ACTN3: variants seen among roughly 807,000 people sequenced by gnomAD.
ACTN3 encodes alpha-actinin-3.
ACTN3 carries 91 observed loss-of-function variants against 119.6 expected under a neutral mutation model. That is an observed-to-expected ratio of 0.76 (90% CI 0.64 to 0.91). ACTN3 has a LOEUF of 0.91. Ranked by LOEUF, ACTN3 falls within the 40% of genes least tolerant of loss-of-function variation. The pLI is 0.00. For synonymous variants in ACTN3, 456 were observed against 478.8 expected, an observed-to-expected ratio of 0.95 and a Z score of 0.62; for missense variants, 1,221 against 1,215.1, an observed-to-expected ratio of 1.00 and a Z score of -0.07.
intron 11 of ACTN3, among the ~76,000 whole-genome samples, chr11:66,558,677 A>G (rs1193918531): frequency 1.3e-5 from 2 of 152,060 alleles, no homozygotes; most frequent in African/African-American, 4.8e-5. Context: ...CCTGTTTTCT[A>G]TAAACTCAGC....
chr11:66,551,701 T>C, intron 3 of ACTN3, 54 bp downstream of exon 3: 1 of 1,604,398 alleles, frequency 6.2e-7, no homozygotes, highest in African/African-American at 1.3e-5. Context: ...TCTCTTGACA[T>C]CAGCAAATCA....
upstream of ACTN3, chr11:66,546,695 A>G: frequency 6.5e-7 from 1 of 1,533,882 alleles, no homozygotes; most frequent in East Asian, 2.4e-5. Flanking sequence ...CCAGCAGCGG[A>G]GCAGGAATGC....
rs753579084 is a variant in ACTN3 at position 66,562,064 on chromosome 11, C to T, written c.2218C>T (p.Arg740Cys). ...GWEQLLTSIA[R>C]TINEVENQVL... The stretch of plus-strand genomic sequence containing the variant: ...GGAGCAGCTGCTCACCTCCATTGCC[C>T]GCACCATCAATGAAGTGGAGAACCA... Residue 740 changes from arginine (R) to cysteine (C), a missense_variant, in exon 18 of 21, where the codon CGC becomes TGC. By Grantham distance (180) the Arg-to-Cys change is radical. Transcript: ENST00000513398. 16 of 1,613,330 alleles carry T rather than the reference C, an allele frequency of 9.9e-6. 1 individual carries two copies. The highest frequency in any genetic ancestry group is 8.3e-5 in the Admixed American group (5 of 59,928).
rs1052296074 is a variant in ACTN3, at chr11:66,553,535, A to G, written c.383-510A>G. ...GCACCACTGTACTCCAGCCGGGGCA[A>G]AGAGGGAGACTCCATGGGAAAAAAT... On this transcript the variant is annotated intron_variant, in intron 3 of 20. Coordinates refer to ENST00000513398, the MANE Select transcript of ACTN3 (RefSeq NM_001104.4). Among the ~76,000 whole-genome samples, 5 of 151,674 alleles carry G rather than the reference A, an allele frequency of 3.3e-5. No homozygotes were observed. In the East Asian group the frequency reaches 5.8e-4, roughly 18 times the overall value.
At chr11:66,554,741 GA>G in intron 5 of ACTN3, 118 bp downstream of exon 5, 1 of 822,694 alleles carries the variant, frequency 1.2e-6, no homozygotes. Flanking sequence ...CACAGGGAAG[GA>G]AAGGTCACAG....
chr11:66,561,967 G>A, intron 17 of ACTN3, 55 bp from the exon 18 acceptor site: 3 of 1,555,068 alleles, frequency 1.9e-6, no homozygotes, highest in Non-Finnish European at 1.7e-6. Flanking sequence ...TGGAGCTAGA[G>A]CCAGTGGCCA....
At chr11:66,559,133 G>T (rs907634816) in intron 11 of ACTN3, 103 bp from the exon 12 acceptor site, 2 of 1,276,916 alleles carry the variant, frequency 1.6e-6, no homozygotes, top group African/African-American at 1.6e-5. Context: ...CTAGGCCGGT[G>T]CGATCGCCAC....
At chr11:66,562,489 C>A in intron 19 of ACTN3, 167 bp downstream of exon 19, 1 of 328,336 alleles carries the variant, frequency 3.0e-6, no homozygotes, top group Non-Finnish European at 4.4e-6. Flanking sequence ...GGACCCAGTT[C>A]TGTGTGGACC....
chr11:66,554,529 G>A lies in ACTN3; in HGVS notation c.470-7G>A, dbSNP rs781723692. The stretch of plus-strand genomic sequence containing the variant: ...CCAATGAATCCTCCCACCTCCCCCC[G>A]ACCCAGAAACCTCAGCCAAGGAAGG... On this transcript the variant is annotated splice_region_variant and splice_polypyrimidine_tract_variant and intron_variant, in intron 4 of 20. Coordinates refer to ENST00000513398, the MANE Select transcript of ACTN3 (RefSeq NM_001104.4). The A allele has an allele frequency of 1.1e-5, 17 of 1,595,584 alleles. No individual in the cohort carries two copies. Among genetic ancestry groups the A allele is most frequent in the African/African-American group, 6.8e-5 (5 of 73,932 alleles).
At chr11:66,556,322 G>A in intron 8 of ACTN3, 92 bp downstream of exon 8, 6 of 1,262,800 alleles carry the variant, frequency 4.8e-6, no homozygotes, top group Non-Finnish European at 6.7e-6. Flanking sequence ...GACCACGGAG[G>A]TTGGAGTGCC....
chr11:66,550,158 T>C (rs1398621114), intron 1 of ACTN3, among the ~76,000 whole-genome samples: 1 of 152,172 alleles, frequency 6.6e-6, no homozygotes, highest in Non-Finnish European at 1.5e-5. Flanking sequence ...TGAGACATCA[T>C]AGATTCTGAT....
chr11:66,550,969 C>T (rs1315821687), intron 1 of ACTN3: 3 of 593,612 alleles, frequency 5.1e-6, no homozygotes, highest in African/African-American at 3.7e-5. Flanking sequence ...TTTAAGACCC[C>T]CAAGGCTGGG....
intron 1 of ACTN3, among the ~76,000 whole-genome samples, chr11:66,550,281 G>A (rs766655513): frequency 6.6e-6 from 1 of 152,200 alleles, no homozygotes; most frequent in Non-Finnish European, 1.5e-5. Flanking sequence ...ACTCTACCAA[G>A]TAGTCTATGG....
intron 1 of ACTN3, among the ~76,000 whole-genome samples, chr11:66,549,507 G>A (rs1388694392): frequency 3.3e-5 from 5 of 151,992 alleles, no homozygotes; most frequent in African/African-American, 9.7e-5. Context: ...GGAGGGGGGC[G>A]GATCACCTGA....
rs368786434 is a variant in ACTN3 at position 66,554,412 on chromosome 11, C to T, written c.470-124C>T. On this transcript the variant is annotated intron_variant, in intron 4 of 20. Coordinates refer to ENST00000513398, the MANE Select transcript of ACTN3 (RefSeq NM_001104.4). ...GGTTGAGGCTGCGGTGAGCCATGAT[C>T]GTGTCACTGCACTCCAGTTGGATGA... is the stretch of plus-strand genomic sequence containing the variant. 7.5e-5 allele frequency: 56 copies of T among 742,174 alleles called. No individual in the cohort carries two copies. The African/African-American group carries it at 8.2e-4, about 11-fold the overall frequency. The allele number at this position is 742,174 out of a possible 1,614,324, so 46.0% of individuals were successfully genotyped here.
rs772169284 is a variant in ACTN3, at chr11:66,546,934, C to G, written c.-4C>G. 2 of 1,538,234 alleles carry G rather than the reference C, an allele frequency of 1.3e-6. No individual in the cohort carries two copies. Among genetic ancestry groups the G allele is most frequent in the African/African-American group, 2.8e-5 (2 of 72,302 alleles). ...AGCGGAGCGAAGCCAGGAGCCCGAT[C>G]GAGATGATGATGGTTATGCAGCCCG... On this transcript the variant is annotated 5_prime_UTR_variant, in exon 1 of 21. It adds an upstream start codon to the 5' untranslated region. Transcript: ENST00000513398.
At chr11:66,551,488 C>T in intron 2 of ACTN3, 40 bp from the exon 3 acceptor site, 4 of 1,603,040 alleles carry the variant, frequency 2.5e-6, no homozygotes, top group South Asian at 1.1e-5. Context: ...TCAGCTGCCT[C>T]TCATGACCTT....
Position 66,562,004 on chromosome 11 carries a change from C to A in ACTN3, c.2176-18C>A. The A allele has an allele frequency of 6.3e-7, 1 of 1,592,694 alleles. No individual in the cohort carries two copies. The highest frequency in any genetic ancestry group is 1.8e-5 in the Admixed American group (1 of 56,318). On this transcript the variant is annotated intron_variant, in intron 17 of 20. Transcript: ENST00000513398. ...GCACTGGCCGCCCACTGACAGTGGC[C>A]TGTCCCCTGACCGCCAGCACATCCG...
intron 12 of ACTN3, 99 bp from the exon 13 acceptor site, chr11:66,559,869 C>T (rs1278235584): frequency 5.8e-6 from 7 of 1,216,392 alleles, no homozygotes; most frequent in Admixed American, 4.0e-5. Flanking sequence ...CTCCCGCACG[C>T]CTTCACCCCC....
Sources: gnomAD v4.1 joint callset for allele counts (sites outside exome capture counted in the v4.1 genomes callset) on GRCh38, gnomAD v4.1.1 for gene constraint, MANE v1.5 for transcripts, NCBI Gene and HGNC (gene_info 2026-07-23, HGNC 2026-07-21) for gene names.